The following TRPM7 variants were observed in gnomAD, a reference collection of about 807,000 sequenced individuals.
TRPM7 encodes the protein LTRPC ion channel family member 7.
Under a neutral mutation model 229.7 loss-of-function variants are expected in TRPM7, and 134 were observed. The ratio of observed to expected loss-of-function variants is 0.58; its 90% CI spans 0.51 to 0.67. The LOEUF is 0.67. Ranked by LOEUF, TRPM7 falls within the 30% of genes least tolerant of loss-of-function variation. The pLI, the probability that TRPM7 is intolerant of heterozygous loss-of-function variation, is 0.00. For missense variants in TRPM7, 1,901 were observed against 2,210.0 expected (o/e 0.86, Z 2.80); for synonymous variants, 699 against 715.2 (o/e 0.98, Z 0.36).
At chr15:50,563,827 G>A (rs967095846) in intron 38 of TRPM7, among the ~76,000 whole-genome samples, 2 of 152,094 alleles carry the variant, frequency 1.3e-5, no homozygotes, top group Non-Finnish European at 2.9e-5. Flanking sequence ...CATCAGCTAT[G>A]GTAGTGACAG....
At position 50,584,621 on chromosome 15, in the gene TRPM7, T is replaced by G. The variant is rs138142373; in HGVS notation, c.4487-1462A>C. 2.4e-3 allele frequency among the ~76,000 whole-genome samples: 371 copies of G among 151,532 alleles called. 2 individuals carry two copies. Among genetic ancestry groups the G allele is most frequent in the African/African-American group, 8.6e-3 (352 of 41,100 alleles). ...CAGAAGTGTTTCAGATTTCTGTTTT[T>G]TTTTTTTTTTTTAAATTTTGGAATA... is the stretch of plus-strand genomic sequence containing the variant. On this transcript the variant is annotated intron_variant, in intron 28 of 38. Coordinates refer to ENST00000646667, the MANE Select transcript of TRPM7 (RefSeq NM_017672.6).
Position 50,561,820 on chromosome 15 carries a change from AC to A in TRPM7, c.5468-13del, listed in dbSNP as rs775532800. 603 of 1,509,948 alleles carry A rather than the reference AC, an allele frequency of 4.0e-4. No homozygotes were observed. Among genetic ancestry groups the A allele is most frequent in the Non-Finnish European group, 5.2e-4 (585 of 1,132,936 alleles). 93.5% of individuals were successfully genotyped at this position (1,509,948 alleles called of 1,614,324 possible). A position where few individuals can be genotyped will look rare whatever the true frequency, so the allele number is the denominator to read the frequency against. On this transcript the variant is annotated splice_polypyrimidine_tract_variant and intron_variant, in intron 38 of 38. Transcript: ENST00000646667. The stretch of plus-strand genomic sequence containing the variant: ...ATTCCTCTTCAGATCTACATTGAAC[AC>A]CCACAACAATTAAAAAAAAAAAAGA...
At chr15:50,587,342 A>C (rs117710436) in intron 27 of TRPM7, among the ~76,000 whole-genome samples, 2 of 146,710 alleles carry the variant, frequency 1.4e-5, no homozygotes, top group Non-Finnish European at 1.5e-5. Flanking sequence ...TTTTCCCTTA[A>C]TATTTTTCTA....
chr15:50,663,854 T>C (rs760120498), intron 1 of TRPM7, among the ~76,000 whole-genome samples: 1 of 152,034 alleles, frequency 6.6e-6, no homozygotes, highest in African/African-American at 2.4e-5. Flanking sequence ...TCCCAGCTAC[T>C]TGGAAGTCTG....
intron 6 of TRPM7, 39 bp from the exon 7 acceptor site, chr15:50,637,632 A>T: frequency 6.4e-7 from 1 of 1,552,712 alleles, no homozygotes; most frequent in South Asian, 1.2e-5. Flanking sequence ...GAGCAGGATT[A>T]AATACAGTAT....
At chr15:50,589,093 A>G (rs1441290476) in intron 27 of TRPM7, among the ~76,000 whole-genome samples, 3 of 152,188 alleles carry the variant, frequency 2.0e-5, no homozygotes, top group Non-Finnish European at 2.9e-5. Context: ...AAGCCGAGGC[A>G]GGCGGATCGC....
In TRPM7 at chr15:50,559,006, C is replaced by T. The variant is rs7163628; in HGVS notation, c.*2672G>A. The T allele has an allele frequency of 0.4, 60,541 of 151,576 alleles. 12,375 individuals carry two copies. The highest frequency in any genetic ancestry group is 0.43 in the East Asian group (2,181 of 5,088). The allele number at this position is 151,576 out of a possible 1,614,324, so 9.4% of individuals were successfully genotyped here. Reference sequence around the variant, plus strand: ...CTCCCAGGCTCAAGTGATCCTCCCACCTCAGTCTCCCAAGTAGCTGGAACT... The same window carrying T: ...CTCCCAGGCTCAAGTGATCCTCCCATCTCAGTCTCCCAAGTAGCTGGAACT... On this transcript the variant is annotated 3_prime_UTR_variant, in exon 39 of 39. Transcript: ENST00000646667.
chr15:50,604,930 C>T lies in TRPM7; in HGVS notation c.2924G>A (p.Arg975His), dbSNP rs748108650. The T allele has an allele frequency of 5.3e-5, 86 of 1,612,996 alleles. No homozygotes were observed. The highest frequency in any genetic ancestry group is 6.6e-5 in the Non-Finnish European group (78 of 1,179,518). ...YCLNIIFWYV[R>H]LLDFLAVNQQ... is the part of the protein sequence containing the mutation. ...ATTTACAGCTAGAAAATCTAGCAAACGCACATACCAAAATATTATGTTAAG... is the reference window on the plus strand; with the variant it reads ...ATTTACAGCTAGAAAATCTAGCAAATGCACATACCAAAATATTATGTTAAG... The change falls in exon 21 of 39, where the codon CGT becomes CAT. Residue 975 changes from arginine to histidine, a missense_variant. By Grantham distance (29) the Arg-to-His change is conservative. Around this residue, in one of 8 missense-constraint regions of TRPM7, gnomAD observed 207 missense variants for 241.5 expected, o/e 0.86. Transcript: ENST00000646667.
intron 21 of TRPM7, among the ~76,000 whole-genome samples, chr15:50,603,583 A>G (rs1006698879): frequency 5.9e-5 from 9 of 151,682 alleles, no homozygotes; most frequent in African/African-American, 2.2e-4. Context: ...TGTCCTTGCA[A>G]TAGTTTGCTC....
intron 3 of TRPM7, among the ~76,000 whole-genome samples, chr15:50,650,101 G>A (rs2061375889): frequency 6.8e-6 from 1 of 147,310 alleles, no homozygotes; most frequent in Admixed American, 7.0e-5. Flanking sequence ...GCTGAGGCAG[G>A]AGAATCACTT....
intron 38 of TRPM7, among the ~76,000 whole-genome samples, chr15:50,567,182 T>G (rs1333000225): frequency 2.0e-5 from 3 of 152,072 alleles, no homozygotes; most frequent in Non-Finnish European, 4.4e-5. Context: ...TTAAAATTAT[T>G]TTTTATTATT....
intron 22 of TRPM7, 107 bp downstream of exon 22, chr15:50,599,015 G>A: frequency 1.2e-6 from 1 of 803,990 alleles, no homozygotes; most frequent in Non-Finnish European, 2.0e-6. Flanking sequence ...TGGGGCTTAG[G>A]TTGGTAATAG....
intron 38 of TRPM7, among the ~76,000 whole-genome samples, chr15:50,566,411 T>C (rs1413706878): frequency 6.6e-6 from 1 of 152,110 alleles, no homozygotes. Context: ...GAAATAAACA[T>C]CTGAGGCCGG....
rs1365667930 is a variant in TRPM7, at chr15:50,612,736, G to A, written c.1864C>T (p.Leu622Phe). 1 of 1,614,006 alleles carries A rather than the reference G, an allele frequency of 6.2e-7. No individual in the cohort carries two copies. Among genetic ancestry groups the A allele is most frequent in the Non-Finnish European group, 8.5e-7 (1 of 1,180,022 alleles). The change falls in exon 16 of 39, where the codon CTT (leucine) becomes TTT (phenylalanine). Residue 622 changes from leucine (L) to phenylalanine (F), a missense_variant. By Grantham distance (22) the Leu-to-Phe change is conservative. Coordinates refer to ENST00000646667, the MANE Select transcript of TRPM7 (RefSeq NM_017672.6). ...CAAGCCCAAATTAAAAGTTCATTAA[G>A]TGGATAAGGAAAGCGCTTGGTTTCT... is the stretch of plus-strand genomic sequence containing the variant. ...DPETKRFPYP[L>F]NELLIWACLM...
At chr15:50,630,196 T>C (rs559388703) in intron 10 of TRPM7, among the ~76,000 whole-genome samples, 1 of 151,988 alleles carries the variant, frequency 6.6e-6, no homozygotes, top group East Asian at 1.9e-4. Context: ...CATTTATTAA[T>C]TTTTTTTCCT....
chr15:50,564,373 G>C (rs2053494027), intron 38 of TRPM7, among the ~76,000 whole-genome samples: 1 of 151,632 alleles, frequency 6.6e-6, no homozygotes, highest in Admixed American at 6.6e-5. Context: ...AATATGTCAA[G>C]TCTTCAGACA....
At chr15:50,611,666 G>T (rs2060065968) in intron 16 of TRPM7, among the ~76,000 whole-genome samples, 1 of 152,154 alleles carries the variant, frequency 6.6e-6, no homozygotes, top group Admixed American at 6.5e-5. Flanking sequence ...AAAACAGTTG[G>T]TACCTGGTAG....
At chr15:50,585,995 G>C (rs774054243) in intron 28 of TRPM7, among the ~76,000 whole-genome samples, 16 of 146,308 alleles carry the variant, frequency 1.1e-4, no homozygotes, top group Non-Finnish European at 2.3e-4. Context: ...CAGAGTGAGA[G>C]AGAAAATTTT....
chr15:50,609,899 T>C lies in TRPM7; in HGVS notation c.2343A>G (p.Glu781=), dbSNP rs2060022129. Residue 781 remains glutamate (E), a synonymous_variant, in exon 18 of 39, where the codon GAA becomes GAG. Transcript: ENST00000646667. ...ILLLEYKTKA[E]MSHIPQSQDA... ...CTTGAGATTGTGGGATATGGGACATTTCAGCCTTAGTTTTATACTCTAACA... is the reference window on the plus strand; with the variant it reads ...CTTGAGATTGTGGGATATGGGACATCTCAGCCTTAGTTTTATACTCTAACA... 6.2e-7 allele frequency: 1 copy of C among 1,613,040 alleles called. No homozygotes were observed. The highest frequency in any genetic ancestry group is 1.7e-4 in the Middle Eastern group (1 of 6,056).
Sources: gnomAD v4.1 joint callset for allele counts (sites outside exome capture counted in the v4.1 genomes callset) on GRCh38, gnomAD v4.1.1 for gene constraint, gnomAD v4.1.1 regional missense constraint, MANE v1.5 for transcripts, NCBI Gene and HGNC (gene_info 2026-07-23, HGNC 2026-07-21) for gene names.